The following OBSL1 variants were observed in gnomAD, a reference collection of about 807,000 sequenced individuals.
OBSL1 encodes obscurin-like protein 1.
A neutral mutation model predicts 172.0 loss-of-function variants in OBSL1; 160 were observed. That is an observed-to-expected ratio of 0.93 (90% CI 0.82 to 1.06). OBSL1 has a LOEUF of 1.06. OBSL1 is among the 50% of genes least tolerant of loss of function. The pLI is 0.00. For missense variants in OBSL1, 2,681 were observed against 2,715.4 expected, an observed-to-expected ratio of 0.99 and a Z score of 0.28; for synonymous variants, 1,200 against 1,196.3, an observed-to-expected ratio of 1.00 and a Z score of -0.06.
At chr2:219,555,745 GCCCATGGCAAGTCTTT>G in intron 14 of OBSL1, 1 of 1,339,934 alleles carries the variant, frequency 7.5e-7, no homozygotes. Context: ...CCTGAAGGAT[GCCCATGGCAAGTCTTT>G]CTGGAGAATA....
In OBSL1 at chr2:219,570,896, G is replaced by C; in HGVS notation, c.337C>G (p.Pro113Ala). The change falls in exon 1 of 21, where the codon CCC (proline) becomes GCC (alanine). Residue 113 changes from proline to alanine, a missense_variant. By Grantham distance (27) the Pro-to-Ala change is conservative. This residue lies in a region of OBSL1 where 67 missense variants were observed against 109.3 expected (regional missense o/e 0.61). Coordinates refer to ENST00000404537, the MANE Select transcript of OBSL1 (RefSeq NM_015311.3). ...EPPASDPELQ[P>A]AERPLPSPGS... ...GGCGATGGCAGCGGGCGCTCGGCGGGCTGCAGCTCGGGGTCGGAGGCCGGC... is the reference window on the plus strand; with the variant it reads ...GGCGATGGCAGCGGGCGCTCGGCGGCCTGCAGCTCGGGGTCGGAGGCCGGC... 7.4e-7 allele frequency: 1 copy of C among 1,346,168 alleles called. No homozygotes were observed. The highest frequency in any genetic ancestry group is 9.5e-7 in the Non-Finnish European group (1 of 1,055,766). 83.4% of individuals were successfully genotyped at this position (1,346,168 alleles called of 1,614,324 possible).
At position 219,551,719 on chromosome 2, in the gene OBSL1, A is replaced by T; in HGVS notation, c.5493T>A (p.Thr1831=). The T allele has an allele frequency of 1.2e-6, 2 of 1,609,620 alleles. No homozygotes were observed. Among genetic ancestry groups the T allele is most frequent in the Non-Finnish European group, 1.7e-6 (2 of 1,178,572 alleles). Residue 1831 remains threonine, a synonymous_variant, in exon 20 of 21, where the codon ACT becomes ACA. Transcript: ENST00000404537. ...LVGRRAVLEV[T]VSRSGGHVCW... ...ACACGTGGCCCCCCGAGCGGGACAC[A>T]GTCACCTCCAGCACCGCCCGGCGGC... is the stretch of plus-strand genomic sequence containing the variant.
At chr2:219,558,802 C>T (rs898017812) in intron 9 of OBSL1, among the ~76,000 whole-genome samples, 33 of 152,326 alleles carry the variant, frequency 2.2e-4, no homozygotes, top group African/African-American at 7.9e-4. Context: ...CCACACCCAT[C>T]CCCACTTCCT....
At position 219,554,644 on chromosome 2, in the gene OBSL1, G is replaced by T. The variant is rs776882174; in HGVS notation, c.4706C>A (p.Thr1569Asn). 6.2e-7 allele frequency: 1 copy of T among 1,610,008 alleles called. No homozygotes were observed. The highest frequency in any genetic ancestry group is 8.5e-7 in the Non-Finnish European group (1 of 1,178,350). ...TACTCCACCCCGGGCCCACTCCCCG[G>T]TCACACCTTCCTGGGACAGCTCCAG... Reference protein sequence around the residue: ...FQLELSQEGVTGEWARGGVQL... With the variant: ...FQLELSQEGVNGEWARGGVQL... Residue 1569 changes from threonine (T) to asparagine (N), a missense_variant, in exon 15 of 21, where the codon ACC becomes AAC. Transcript: ENST00000404537.
chr2:219,570,738 C>T lies in OBSL1; in HGVS notation c.495G>A (p.Gly165=), dbSNP rs761961776. 7.9e-6 allele frequency: 12 copies of T among 1,510,826 alleles called. No homozygotes were observed. Among genetic ancestry groups the T allele is most frequent in the South Asian group, 3.7e-5 (3 of 81,140 alleles). 93.6% of individuals were successfully genotyped at this position (1,510,826 alleles called of 1,614,324 possible). Residue 165 remains glycine (G), a synonymous_variant, in exon 1 of 21, where the codon GGG becomes GGA. Coordinates refer to ENST00000404537, the MANE Select transcript of OBSL1 (RefSeq NM_015311.3). The part of the protein sequence containing the change: ...PEPTLYWEKD[G]MALDEVWDSS... ...TGTCCCACACTTCGTCCAGGGCCAT[C>T]CCGTCCTTCTCCCAGTACAGTGTGG...
At position 219,556,000 on chromosome 2, in the gene OBSL1, A is replaced by G. The variant is rs1356304817; in HGVS notation, c.4609+20T>C. 2 of 1,612,106 alleles carry G rather than the reference A, an allele frequency of 1.2e-6. No individual in the cohort carries two copies. On this transcript the variant is annotated intron_variant, in intron 14 of 20. Transcript: ENST00000404537. ...GTGGTGTAGGGTGGGTAATGCATTA[A>G]GAGAGGACGGGGCACTCACGCCTCA... is the stretch of plus-strand genomic sequence containing the variant.
At chr2:219,547,684 C>G (rs200927556), downstream of OBSL1, 7 of 1,560,936 alleles carry the variant, frequency 4.5e-6, no homozygotes, top group Non-Finnish European at 4.3e-6. Context: ...TAGTGCGCAG[C>G]GTGGGCCTCT....
Position 219,562,694 on chromosome 2 carries a change from A to G in OBSL1, c.2681-20T>C, listed in dbSNP as rs1328836240. ...AGACGTCTGGAGGACAGGGACAGCC[A>G]CTGCCGGGCATGAGGGGTGTGCCCT... On this transcript the variant is annotated intron_variant, in intron 7 of 20. Coordinates refer to ENST00000404537, the MANE Select transcript of OBSL1 (RefSeq NM_015311.3). 3 of 1,525,158 alleles carry G rather than the reference A, an allele frequency of 2.0e-6. No homozygotes were observed. The highest frequency in any genetic ancestry group is 1.8e-6 in the Non-Finnish European group (2 of 1,134,136). 94.5% of individuals were successfully genotyped at this position (1,525,158 alleles called of 1,614,324 possible). A position where few individuals can be genotyped will look rare whatever the true frequency, so the allele number is the denominator to read the frequency against.
At chr2:219,566,026 C>T (rs1696864025) in intron 5 of OBSL1, among the ~76,000 whole-genome samples, 2 of 152,234 alleles carry the variant, frequency 1.3e-5, no homozygotes, top group South Asian at 4.1e-4. Flanking sequence ...CCCCTTTCAA[C>T]AGGTGGCACA....
At chr2:219,560,722 C>T (rs1696400101) in intron 8 of OBSL1, among the ~76,000 whole-genome samples, 1 of 152,226 alleles carries the variant, frequency 6.6e-6, no homozygotes, top group Non-Finnish European at 1.5e-5. Context: ...AGCCACACAA[C>T]CCACCTCCCC....
chr2:219,563,180 A>G, intron 7 of OBSL1, 175 bp downstream of exon 7: 1 of 642,842 alleles, frequency 1.6e-6, no homozygotes, highest in Non-Finnish European at 2.6e-6. Context: ...TTATGATAAC[A>G]CGTTTCCTGA....
intron 16 of OBSL1, 24 bp downstream of exon 16, chr2:219,553,550 G>T (rs1244067415): frequency 1.3e-6 from 2 of 1,558,768 alleles, no homozygotes. Flanking sequence ...ACTGAAGTGG[G>T]CTTGGCTGGG....
In OBSL1 at chr2:219,567,892, C is replaced by T. The variant is rs1697031644; in HGVS notation, c.1360G>A (p.Glu454Lys). 2 of 1,613,908 alleles carry T rather than the reference C, an allele frequency of 1.2e-6. No individual in the cohort carries two copies. Among genetic ancestry groups the T allele is most frequent in the Non-Finnish European group, 1.7e-6 (2 of 1,179,894 alleles). Reference sequence around the variant, plus strand: ...CTCCAGCGTCCCTCGACCCCGGCCTCTAGAGTTTCCACTAGCAGCACAGCA... The same window carrying T: ...CTCCAGCGTCCCTCGACCCCGGCCTTTAGAGTTTCCACTAGCAGCACAGCA... ...ENAVLLVETL[E>K]AGVEGRWSRD... Residue 454 changes from glutamate (E) to lysine (K), a missense_variant, in exon 3 of 21, where the codon GAG (glutamate) becomes AAG (lysine). Physicochemically the swap from Glu to Lys is moderately conservative, Grantham distance 56. Around this residue, in one of 5 missense-constraint regions of OBSL1, gnomAD observed 706 missense variants for 695.8 expected, o/e 1.01. Transcript: ENST00000404537.
chr2:219,559,550 G>C, intron 8 of OBSL1, 53 bp from the exon 9 acceptor site: 12 of 1,558,192 alleles, frequency 7.7e-6, no homozygotes, highest in Non-Finnish European at 1.1e-5. Flanking sequence ...CAGCCTCTCT[G>C]GAGCCATTCG....
rs973469781 is a variant in OBSL1 at position 219,570,220 on chromosome 2, C to A, written c.1012+1G>T. ...TCCCTAGGTCCCGGGCTCCGCCGTA[C>A]CTTTCACGTGCAGCTGCACGGCACT... is the stretch of plus-strand genomic sequence containing the variant. On this transcript the variant is annotated splice_donor_variant, in intron 1 of 20. Coordinates refer to ENST00000404537, the MANE Select transcript of OBSL1 (RefSeq NM_015311.3). LOFTEE classifies it high-confidence loss of function. 4 of 1,551,268 alleles carry A rather than the reference C, an allele frequency of 2.6e-6. No homozygotes were observed. The African/African-American group carries it at 5.5e-5, about 21-fold the overall frequency.
Position 219,568,445 on chromosome 2 carries a change from T to C in OBSL1, c.1013-121A>G, listed in dbSNP as rs551992595. On this transcript the variant is annotated intron_variant, in intron 1 of 20. Transcript: ENST00000404537. This position sits in a 1 kb window ranked among gnomAD's most constrained non-coding sequence, Gnocchi z 4.1. ...CTTCATGCAGAGCCAGCGGGCACTG[T>C]GGAATCACAGAAAACTACCAGAAGG... is the stretch of plus-strand genomic sequence containing the variant. 341 of 996,830 alleles carry C rather than the reference T, an allele frequency of 3.4e-4. No homozygotes were observed. Among genetic ancestry groups the C allele is most frequent in the Non-Finnish European group, 4.7e-4 (331 of 698,968 alleles). 61.7% of individuals were successfully genotyped at this position (996,830 alleles called of 1,614,324 possible). A position where few individuals can be genotyped will look rare whatever the true frequency, so the allele number is the denominator to read the frequency against.
At chr2:219,555,978 G>A (rs766337524) in intron 14 of OBSL1, 42 bp downstream of exon 14, 30 of 1,601,734 alleles carry the variant, frequency 1.9e-5, no homozygotes, top group Non-Finnish European at 2.6e-5. Context: ...AAAGGCTGTG[G>A]TGTAGGGTGG....
In OBSL1 at chr2:219,568,075, A is replaced by G. The variant is rs1226915224; in HGVS notation, c.1262T>C (p.Val421Ala). 3.7e-6 allele frequency: 6 copies of G among 1,609,994 alleles called. No individual in the cohort carries two copies. The highest frequency in any genetic ancestry group is 2.7e-5 in the African/African-American group (2 of 74,856). ...CTGACCTTTGACTGTGACGTTGGCCACGGTGCGCACCCGGCCCCGCATCTC... is the reference window on the plus strand; with the variant it reads ...CTGACCTTTGACTGTGACGTTGGCCGCGGTGCGCACCCGGCCCCGCATCTC... ...LCEMRGRVRT[V>A]ANVTVKGPIL... The change falls in exon 2 of 21, where the codon GTG becomes GCG. Residue 421 changes from valine (V) to alanine (A), a missense_variant. Around this residue, in one of 5 missense-constraint regions of OBSL1, gnomAD observed 706 missense variants for 695.8 expected, o/e 1.01. Transcript: ENST00000404537. The surrounding 1 kb of genome is among the most constrained non-coding windows in gnomAD (Gnocchi z 4.1).
Position 219,568,237 on chromosome 2 carries a change from G to A in OBSL1, c.1100C>T (p.Ser367Phe), listed in dbSNP as rs1697068265. The change falls in exon 2 of 21, where the codon TCC becomes TTC. Residue 367 changes from serine (S) to phenylalanine (F), a missense_variant. Around this residue, in one of 5 missense-constraint regions of OBSL1, gnomAD observed 706 missense variants for 695.8 expected, o/e 1.01. Coordinates refer to ENST00000404537, the MANE Select transcript of OBSL1 (RefSeq NM_015311.3). The surrounding 1 kb of genome is among the most constrained non-coding windows in gnomAD (Gnocchi z 4.1). ...IAVLECKVPNSRIPTAWFRED... is the reference protein window; with the variant it reads ...IAVLECKVPNFRIPTAWFRED... ...ACGGAACCAGGCCGTGGGGATGCGG[G>A]AGTTGGGTACTTTACATTCCAGCAC... 5 of 1,613,232 alleles carry A rather than the reference G, an allele frequency of 3.1e-6. No homozygotes were observed. In the South Asian group the frequency reaches 4.4e-5, roughly 14 times the overall value.
Sources: gnomAD v4.1 joint callset for allele counts (sites outside exome capture counted in the v4.1 genomes callset) on GRCh38, gnomAD v4.1.1 for gene constraint, gnomAD v4.1.1 regional missense constraint, Gnocchi (gnomAD v3.1) non-coding constraint, MANE v1.5 for transcripts, NCBI Gene and HGNC (gene_info 2026-07-23, HGNC 2026-07-21) for gene names.